Variants in GPR160 observed in about 807,000 individuals in gnomAD.
The protein encoded by GPR160 is G protein-coupled receptor 160, also known as probable G protein-coupled receptor 160.
A neutral mutation model predicts 2.6 loss-of-function variants in GPR160; 2 were observed. That is an observed-to-expected ratio of 0.77 (90% CI 0.32 to 2.44). GPR160 has a LOEUF of 2.44. Among genes scored for constraint, GPR160 ranks in the 30% most tolerant of loss-of-function variants. The pLI is 0.11. For synonymous variants in GPR160, 130 were observed against 132.2 expected (o/e 0.98, Z 0.12); for missense variants, 351 against 383.6 (o/e 0.91, Z 0.71).
At chr3:170,062,713 C>A in intron 2 of GPR160, 1 of 1,364,752 alleles carries the variant, frequency 7.3e-7, no homozygotes, top group Non-Finnish European at 1.0e-6. Context: ...AAAAAAAGCT[C>A]AAGGAAAAGT....
intron 2 of GPR160, among the ~76,000 whole-genome samples, chr3:170,071,023 C>CA (rs2108338501): frequency 6.6e-6 from 1 of 152,314 alleles, no homozygotes; most frequent in East Asian, 1.9e-4. Flanking sequence ...TTGCCCCAGC[C>CA]TGGCTTCAGA....
intron 2 of GPR160, among the ~76,000 whole-genome samples, chr3:170,059,803 C>G (rs1711841688): frequency 1.3e-5 from 2 of 152,132 alleles, no homozygotes; most frequent in African/African-American, 4.8e-5. Flanking sequence ...TTAAGCCCAG[C>G]ATCCATTAGC....
chr3:170,040,820 G>A (rs1716414072), intron 2 of GPR160, among the ~76,000 whole-genome samples: 2 of 152,344 alleles, frequency 1.3e-5, no homozygotes, highest in South Asian at 4.1e-4. Context: ...TAGCTGTGTT[G>A]TGTTGCCTAT....
intron 2 of GPR160, among the ~76,000 whole-genome samples, chr3:170,056,210 T>C (rs1298010639): frequency 1.3e-5 from 2 of 152,228 alleles, no homozygotes; most frequent in African/African-American, 2.4e-5. Flanking sequence ...GAGGTGAATA[T>C]ATGTGTAGAA....
At chr3:170,061,548 G>A (rs1397033500) in intron 2 of GPR160, among the ~76,000 whole-genome samples, 2 of 151,850 alleles carry the variant, frequency 1.3e-5, no homozygotes, top group African/African-American at 4.8e-5. Context: ...TGATTTCATA[G>A]ATAAAATGAT....
intron 3 of GPR160, among the ~76,000 whole-genome samples, chr3:170,082,020 T>C (rs1473700016): frequency 5.3e-5 from 8 of 152,216 alleles, no homozygotes; most frequent in African/African-American, 1.4e-4. Context: ...TCACACTGAT[T>C]TATCTTCAGA....
At chr3:170,059,539 GA>G (rs1214002418) in intron 2 of GPR160, among the ~76,000 whole-genome samples, 1 of 152,150 alleles carries the variant, frequency 6.6e-6, no homozygotes, top group Non-Finnish European at 1.5e-5. Context: ...ATGTCATTGG[GA>G]ACCAGGTTCT....
At chr3:170,065,300 C>G (rs1441925174) in intron 2 of GPR160, among the ~76,000 whole-genome samples, 1 of 152,098 alleles carries the variant, frequency 6.6e-6, no homozygotes, top group Non-Finnish European at 1.5e-5. Flanking sequence ...ACCACAGACT[C>G]TTCTCTTTTG....
chr3:170,081,173 G>C (rs1034771725), intron 3 of GPR160, among the ~76,000 whole-genome samples: 8 of 152,074 alleles, frequency 5.3e-5, no homozygotes, highest in Admixed American at 2.0e-4. Context: ...TTAAAACTAA[G>C]CCTTTTTTGT....
chr3:170,057,423 A>G (rs188464584), intron 2 of GPR160: 1 of 152,344 alleles, frequency 6.6e-6, no homozygotes, highest in East Asian at 1.9e-4. Context: ...TTGAGACTCT[A>G]TGGAGACTGA....
At chr3:170,067,981 A>G (rs1213287276) in intron 2 of GPR160, among the ~76,000 whole-genome samples, 1 of 152,158 alleles carries the variant, frequency 6.6e-6, no homozygotes, top group Non-Finnish European at 1.5e-5. Context: ...CAGGTTTGCC[A>G]TATAGGAGGC....
At position 170,084,631 on chromosome 3, in the gene GPR160, C is replaced by T; in HGVS notation, c.659C>T (p.Thr220Ile). 6.2e-6 allele frequency: 10 copies of T among 1,609,520 alleles called. No homozygotes were observed. Among genetic ancestry groups the T allele is most frequent in the Non-Finnish European group, 6.8e-6 (8 of 1,176,010 alleles). Residue 220 changes from threonine to isoleucine, a missense_variant, in exon 4 of 4, where the codon ACT (threonine) becomes ATT (isoleucine). Thr to Ile is a moderately conservative substitution (Grantham distance 89). Transcript: ENST00000355897. ...AGGATAACTTCCTATATGAATGAAA[C>T]TATCTTATATTTTCCTTTTTCATCC... Reference protein sequence around the residue: ...AIRITSYMNETILYFPFSSHS... With the variant: ...AIRITSYMNEIILYFPFSSHS...
chr3:170,059,784 A>G (rs6787266), intron 2 of GPR160, among the ~76,000 whole-genome samples: 73,239 of 151,588 alleles, frequency 0.48, 18,259 homozygotes, highest in East Asian at 0.76. Context: ...TTATCCCATC[A>G]CCTAGGCATT....
intron 2 of GPR160, chr3:170,077,875 T>C (rs1712943273): frequency 6.0e-6 from 1 of 167,668 alleles, no homozygotes; most frequent in Non-Finnish European, 1.3e-5. Context: ...GCTGGTGCCC[T>C]GTGTGAGGAA....
chr3:170,043,072 G>A lies in GPR160; in HGVS notation c.-193+4029G>A, dbSNP rs576422799. 2.0e-3 allele frequency among the ~76,000 whole-genome samples: 304 copies of A among 151,766 alleles called. 1 individual carries two copies. Among genetic ancestry groups the A allele is most frequent in the South Asian group, 7.9e-3 (38 of 4,812 alleles). ...AATTTTTTATATTTTTAGTAGAGAC[G>A]GGGTTTCGCCATGTTAGCCAGGATG... On this transcript the variant is annotated intron_variant, in intron 2 of 3. Coordinates refer to ENST00000355897, the MANE Select transcript of GPR160 (RefSeq NM_014373.3).
At chr3:170,054,447 T>C (rs1202011415) in intron 2 of GPR160, among the ~76,000 whole-genome samples, 1 of 152,168 alleles carries the variant, frequency 6.6e-6, no homozygotes, top group African/African-American at 2.4e-5. Context: ...GCTGCTCAGG[T>C]CAAATCATTA....
At chr3:170,072,631 A>G (rs1306502338) in intron 2 of GPR160, among the ~76,000 whole-genome samples, 2 of 152,136 alleles carry the variant, frequency 1.3e-5, no homozygotes, top group African/African-American at 4.8e-5. Context: ...CAGGTGTGTC[A>G]CATGGTGAGA....
intron 2 of GPR160, among the ~76,000 whole-genome samples, chr3:170,070,955 G>T (rs1712559502): frequency 6.6e-6 from 1 of 152,004 alleles, no homozygotes; most frequent in South Asian, 2.1e-4. Flanking sequence ...GTATATACTT[G>T]GACCCCAATC....
intron 2 of GPR160, among the ~76,000 whole-genome samples, chr3:170,045,569 G>A (rs1488953263): frequency 4.6e-5 from 7 of 151,232 alleles, no homozygotes; most frequent in South Asian, 4.2e-4. Flanking sequence ...TAGCCTGGGC[G>A]ACAGAGCAAG....
Sources: allele counts gnomAD v4.1 joint callset (sites outside exome capture counted in the v4.1 genomes callset), GRCh38; gene constraint gnomAD v4.1.1; transcripts MANE v1.5; gene names NCBI Gene and HGNC (gene_info 2026-07-23, HGNC 2026-07-21).